PIK3C2G: variants seen among roughly 807,000 people sequenced by gnomAD.
The protein encoded by PIK3C2G is phosphatidylinositol-4-phosphate 3-kinase catalytic subunit type 2 gamma, also known as phosphatidylinositol 3-kinase C2 domain-containing subunit gamma.
PIK3C2G carries 168 observed loss-of-function variants against 181.1 expected under a neutral mutation model. The observed-to-expected ratio is 0.93, with a 90% CI of 0.82 to 1.05. PIK3C2G has a LOEUF of 1.05. Among genes scored for constraint, PIK3C2G ranks in the 50% least tolerant of loss-of-function variants. The pLI is 0.00. For missense variants in PIK3C2G, 1,869 were observed against 1,732.8 expected, an observed-to-expected ratio of 1.08 and a Z score of -1.40; for synonymous variants, 573 against 592.2, an observed-to-expected ratio of 0.97 and a Z score of 0.47.
intron 18 of PIK3C2G, 44 bp downstream of exon 18, chr12:18,424,083 CCTT>C (rs1945650998): frequency 1.8e-6 from 2 of 1,132,246 alleles, no homozygotes; most frequent in Non-Finnish European, 2.6e-6. Flanking sequence ...TTAATTGCCA[CCTT>C]CTCTATGGGG....
the PIK3C2G span, among the ~76,000 whole-genome samples, chr12:18,669,816 C>T: frequency 1.3e-5 from 2 of 152,080 alleles, no homozygotes; most frequent in African/African-American, 4.8e-5. Flanking sequence ...TGCCACCATG[C>T]CTGGCTAATT....
At chr12:18,416,126 T>C (rs1945163729) in intron 16 of PIK3C2G, among the ~76,000 whole-genome samples, 1 of 152,134 alleles carries the variant, frequency 6.6e-6, no homozygotes, top group East Asian at 1.9e-4. Context: ...GTGCCTAAAA[T>C]CCCAGCTACT....
intron 5 of PIK3C2G, among the ~76,000 whole-genome samples, chr12:18,303,369 CT>C (rs200432994): frequency 0.015 from 2,242 of 151,560 alleles, 23 homozygotes; most frequent in Non-Finnish European, 0.025. Flanking sequence ...CAGTCTCACT[CT>C]GTCACCCAGG....
chr12:18,553,606 A>G (rs889444460), intron 26 of PIK3C2G, among the ~76,000 whole-genome samples: 1 of 152,122 alleles, frequency 6.6e-6, no homozygotes, highest in African/African-American at 2.4e-5. Context: ...GGAAAACAAC[A>G]AAGACCTTTA....
At chr12:18,514,734 T>C (rs1396150827) in intron 24 of PIK3C2G, among the ~76,000 whole-genome samples, 3 of 151,932 alleles carry the variant, frequency 2.0e-5, no homozygotes, top group African/African-American at 7.2e-5. Flanking sequence ...GTTCTTTTTT[T>C]CTTTCTCTTG....
chr12:18,513,813 A>C (rs1450292611), intron 24 of PIK3C2G, among the ~76,000 whole-genome samples: 1 of 150,408 alleles, frequency 6.6e-6, no homozygotes, highest in East Asian at 2.0e-4. Context: ...CAACTGTGTG[A>C]TTTTTTTTCT....
At chr12:18,422,453 G>T (rs899322743) in intron 17 of PIK3C2G, among the ~76,000 whole-genome samples, 4 of 151,940 alleles carry the variant, frequency 2.6e-5, no homozygotes, top group Admixed American at 6.6e-5. Flanking sequence ...ATGCTATTTT[G>T]TTACGTATTA....
intron 11 of PIK3C2G, among the ~76,000 whole-genome samples, chr12:18,354,442 T>A (rs1940520466): frequency 6.6e-6 from 1 of 152,210 alleles, no homozygotes; most frequent in South Asian, 2.1e-4. Flanking sequence ...TTTAATTCCC[T>A]GAGACTGCCC....
chr12:18,311,549 G>GTA (rs1170796471), intron 5 of PIK3C2G, among the ~76,000 whole-genome samples: 1 of 151,638 alleles, frequency 6.6e-6, no homozygotes, highest in Non-Finnish European at 1.5e-5. Context: ...GTGTGTGTGT[G>GTA]TGCATGAAAA....
intron 29 of PIK3C2G, among the ~76,000 whole-genome samples, chr12:18,584,553 C>A (rs1946676078): frequency 2.0e-5 from 3 of 152,002 alleles, no homozygotes; most frequent in East Asian, 3.9e-4. Context: ...AGTAAAGAAG[C>A]CAAATCTATG....
intron 29 of PIK3C2G, among the ~76,000 whole-genome samples, chr12:18,585,003 C>G (rs116152765): frequency 1.3e-5 from 2 of 151,922 alleles, no homozygotes; most frequent in South Asian, 4.2e-4. Flanking sequence ...TGATGGAGTC[C>G]GCTACCACCA....
At chr12:18,433,514 A>T (rs113049341) in intron 18 of PIK3C2G, among the ~76,000 whole-genome samples, 11 of 152,312 alleles carry the variant, frequency 7.2e-5, no homozygotes, top group Non-Finnish European at 1.6e-4. Context: ...TGAAAGAGCT[A>T]GACTCCATCT....
At chr12:18,670,312 A>T in the PIK3C2G span, among the ~76,000 whole-genome samples, 2 of 151,756 alleles carry the variant, frequency 1.3e-5, no homozygotes, top group Non-Finnish European at 2.9e-5. Context: ...ACACACACAC[A>T]ACATCAGAAA....
chr12:18,422,272 T>C (rs2135709239), intron 17 of PIK3C2G, among the ~76,000 whole-genome samples: 1 of 151,746 alleles, frequency 6.6e-6, no homozygotes, highest in East Asian at 1.9e-4. Context: ...AGGAAAGTTA[T>C]AAAATGTCCT....
chr12:18,479,061 T>A (rs563841596), intron 18 of PIK3C2G, among the ~76,000 whole-genome samples: 4 of 149,748 alleles, frequency 2.7e-5, no homozygotes, highest in African/African-American at 7.3e-5. Flanking sequence ...TACGTATACA[T>A]ATATAAAATA....
intron 24 of PIK3C2G, among the ~76,000 whole-genome samples, chr12:18,512,175 A>G (rs981557105): frequency 1.3e-5 from 2 of 151,904 alleles, no homozygotes; most frequent in Non-Finnish European, 2.9e-5. Context: ...TGTTCAATGT[A>G]TCTATTTTTA....
chr12:18,694,403 G>A, the PIK3C2G span, among the ~76,000 whole-genome samples: 1 of 152,122 alleles, frequency 6.6e-6, no homozygotes, highest in African/African-American at 2.4e-5. Context: ...ACTGAAGACA[G>A]ATACTGGAGA....
intron 30 of PIK3C2G, 59 bp downstream of exon 30, chr12:18,594,628 A>T (rs1240050341): frequency 2.3e-6 from 2 of 866,284 alleles, no homozygotes; most frequent in Non-Finnish European, 1.7e-6. Context: ...GGACAAAAAG[A>T]TATCACAACT....
At chr12:18,561,514 C>T (rs1331228575) in intron 26 of PIK3C2G, among the ~76,000 whole-genome samples, 2 of 151,846 alleles carry the variant, frequency 1.3e-5, no homozygotes, top group African/African-American at 4.8e-5. Context: ...CTAGGAAGCA[C>T]AAATTAAAAG....
Sources: allele counts gnomAD v4.1 joint callset (sites outside exome capture counted in the v4.1 genomes callset), GRCh38; gene constraint gnomAD v4.1.1; transcripts MANE v1.5; gene names NCBI Gene and HGNC (gene_info 2026-07-23, HGNC 2026-07-21).